The following APCDD1L variants were observed in gnomAD, a reference collection of about 807,000 sequenced individuals.
APCDD1L encodes APC down-regulated 1 like, also known as protein APCDD1-like.
APCDD1L carries 21 observed loss-of-function variants against 24.2 expected under a neutral mutation model. That is an observed-to-expected ratio of 0.87 (90% CI 0.61 to 1.25). The LOEUF (loss-of-function observed/expected upper bound fraction) is 1.25, where lower values mean the gene tolerates loss of function less well. APCDD1L is among the 50% of genes most tolerant of loss of function. APCDD1L has a pLI of 0.00. For synonymous variants in APCDD1L, 321 were observed against 323.6 expected, an observed-to-expected ratio of 0.99 and a Z score of 0.09; for missense variants, 704 against 711.7, an observed-to-expected ratio of 0.99 and a Z score of 0.12.
rs368282345 is a variant in APCDD1L at position 58,461,394 on chromosome 20, A to T, written c.902T>A (p.Leu301His). 15 of 1,554,920 alleles carry T rather than the reference A, an allele frequency of 9.6e-6. No homozygotes were observed. In the African/African-American group the frequency reaches 1.4e-4, roughly 14 times the overall value. ...GCGGCTGTGCCCGTGGAAAGTGAAGAGCCGGGTGAGGAACAGGACTGCTGG... is the reference window on the plus strand; with the variant it reads ...GCGGCTGTGCCCGTGGAAAGTGAAGTGCCGGGTGAGGAACAGGACTGCTGG... The part of the protein sequence containing the change: ...VRPAVLFLTR[L>H]FTFHGHSRSW... Residue 301 changes from leucine (L) to histidine (H), a missense_variant, in exon 4 of 4, where the codon CTC becomes CAC. By Grantham distance (99) the Leu-to-His change is moderately conservative (BLOSUM62 -3). Coordinates refer to ENST00000371149, the MANE Select transcript of APCDD1L (RefSeq NM_153360.3). This position sits in a 1 kb window ranked among gnomAD's most constrained non-coding sequence, Gnocchi z 6.0.
Position 58,514,919 on chromosome 20 carries a change from C to A in APCDD1L, c.-212G>T. ...AAGCGGAGCTGCGCACTCATAGGTC[C>A]AACTTGCCAGAAGAGGTGGAGACAG... On this transcript the variant is annotated 5_prime_UTR_variant, in exon 1 of 4. Coordinates refer to ENST00000371149, the MANE Select transcript of APCDD1L (RefSeq NM_153360.3). 2.6e-6 allele frequency: 1 copy of A among 379,626 alleles called. No homozygotes were observed. Among genetic ancestry groups the A allele is most frequent in the Non-Finnish European group, 4.6e-6 (1 of 215,998 alleles). 23.5% of individuals were successfully genotyped at this position (379,626 alleles called of 1,614,324 possible).
At chr20:58,503,641 G>A (rs1216403459) in intron 1 of APCDD1L, among the ~76,000 whole-genome samples, 3 of 152,198 alleles carry the variant, frequency 2.0e-5, no homozygotes. Flanking sequence ...GCTTGGGGAA[G>A]GCAGCTCAGA....
intron 1 of APCDD1L, among the ~76,000 whole-genome samples, chr20:58,512,128 G>A (rs116260661): frequency 2.6e-5 from 4 of 152,196 alleles, no homozygotes; most frequent in South Asian, 2.1e-4. Context: ...TCCTGCGGCC[G>A]CCATGCGGAC....
In APCDD1L at chr20:58,497,864, C is replaced by T. The variant is rs1990353871; in HGVS notation, c.49+16795G>A. Among the ~76,000 whole-genome samples, 1 of 152,162 alleles carries T rather than the reference C, an allele frequency of 6.6e-6. No homozygotes were observed. The highest frequency in any genetic ancestry group is 6.5e-5 in the Admixed American group (1 of 15,278). The stretch of plus-strand genomic sequence containing the variant: ...TAGATTCTCATATTAAAAGCTAAGT[C>T]TCATGCAGAGAAGCAGAATTCCCTG... On this transcript the variant is annotated intron_variant, in intron 1 of 3. Transcript: ENST00000371149. The surrounding 1 kb of genome is among the most constrained non-coding windows in gnomAD (Gnocchi z 4.3).
At chr20:58,514,085 A>G in intron 1 of APCDD1L, 1 of 627,888 alleles carries the variant, frequency 1.6e-6, no homozygotes, top group South Asian at 1.9e-5. Context: ...TTAGTCCTGG[A>G]GAAGGCATTG....
At chr20:58,509,447 G>A (rs140749270) in intron 1 of APCDD1L, among the ~76,000 whole-genome samples, 9 of 152,160 alleles carry the variant, frequency 5.9e-5, no homozygotes, top group Non-Finnish European at 1.3e-4. Context: ...CCTTGGGCAA[G>A]TCACCTACTT....
chr20:58,490,780 C>T (rs904196819), intron 1 of APCDD1L, among the ~76,000 whole-genome samples: 2 of 152,184 alleles, frequency 1.3e-5, no homozygotes, highest in Non-Finnish European at 2.9e-5. Context: ...AGCACTCTTG[C>T]AAGACAGAGA....
intron 1 of APCDD1L, among the ~76,000 whole-genome samples, chr20:58,512,653 G>A (rs1051729156): frequency 6.6e-6 from 1 of 152,176 alleles, no homozygotes; most frequent in Non-Finnish European, 1.5e-5. Flanking sequence ...ATGAAGTTCA[G>A]GCGTGCCCAG....
At chr20:58,477,109 T>G (rs758400486) in intron 1 of APCDD1L, among the ~76,000 whole-genome samples, 20 of 152,264 alleles carry the variant, frequency 1.3e-4, no homozygotes, top group Non-Finnish European at 1.2e-4. Context: ...AGAGTTCTAG[T>G]GTATGCTTTG....
Position 58,476,175 on chromosome 20 carries a change from CACAA to C in APCDD1L, c.50-5432_50-5429del, listed in dbSNP as rs1416303876. The stretch of plus-strand genomic sequence containing the variant: ...TCATTCATTCATTTCTTCTCCCCAA[CACAA>C]ACACTTATTTTTATTTATTTATTTA... On this transcript the variant is annotated intron_variant, in intron 1 of 3. Coordinates refer to ENST00000371149, the MANE Select transcript of APCDD1L (RefSeq NM_153360.3). 1.1e-4 allele frequency among the ~76,000 whole-genome samples: 17 copies of C among 152,258 alleles called. No homozygotes were observed. In the East Asian group the frequency reaches 2.9e-3, roughly 26 times the overall value.
chr20:58,499,707 T>A (rs1448621719), intron 1 of APCDD1L, among the ~76,000 whole-genome samples: 1 of 152,184 alleles, frequency 6.6e-6, no homozygotes, highest in African/African-American at 2.4e-5. Flanking sequence ...CTTCACACCC[T>A]GCTTCCACCC....
intron 1 of APCDD1L, among the ~76,000 whole-genome samples, chr20:58,503,910 G>A (rs576473089): frequency 6.6e-6 from 1 of 152,320 alleles, no homozygotes; most frequent in African/African-American, 2.4e-5. Flanking sequence ...AGGACACTCC[G>A]TGGGCAGAAT....
intron 2 of APCDD1L, among the ~76,000 whole-genome samples, chr20:58,468,148 C>T (rs1456223635): frequency 6.6e-6 from 1 of 152,072 alleles, no homozygotes; most frequent in Non-Finnish European, 1.5e-5. Flanking sequence ...AACCAGGAGT[C>T]GGCAAACTTT....
In APCDD1L at chr20:58,460,853, A is replaced by G; in HGVS notation, c.1443T>C (p.Leu481=). Residue 481 remains leucine (L), a synonymous_variant, in exon 4 of 4, where the codon CTT becomes CTC. Coordinates refer to ENST00000371149, the MANE Select transcript of APCDD1L (RefSeq NM_153360.3). The surrounding 1 kb of genome is among the most constrained non-coding windows in gnomAD (Gnocchi z 4.2). ...SLQKHPSTGG[L]HIAPFPLLPL... is the part of the protein sequence containing the mutation. ...GCAGAAGTGGGAAGGGGGCTATGTGAAGACCCCCTGTGCTGGGGTGCTTCT... is the reference window on the plus strand; with the variant it reads ...GCAGAAGTGGGAAGGGGGCTATGTGGAGACCCCCTGTGCTGGGGTGCTTCT... 1 of 1,562,182 alleles carries G rather than the reference A, an allele frequency of 6.4e-7. No homozygotes were observed. Among genetic ancestry groups the G allele is most frequent in the Non-Finnish European group, 8.7e-7 (1 of 1,152,200 alleles).
chr20:58,495,081 T>C (rs962295452), intron 1 of APCDD1L, among the ~76,000 whole-genome samples: 1 of 152,124 alleles, frequency 6.6e-6, no homozygotes, highest in African/African-American at 2.4e-5. Context: ...CTGGTGCAGA[T>C]TGGACGCTTA....
rs1041529601 is a variant in APCDD1L, at chr20:58,467,007, T to G, written c.741+99A>C. 1 of 1,432,628 alleles carries G rather than the reference T, an allele frequency of 7.0e-7. No homozygotes were observed. Among genetic ancestry groups the G allele is most frequent in the Non-Finnish European group, 9.2e-7 (1 of 1,087,168 alleles). 88.7% of individuals were successfully genotyped at this position (1,432,628 alleles called of 1,614,324 possible). ...GATGACAGCCGGGCAGCCAGAGCCCTGGGCAGGCCCAGGTCTTGCAAAGCT... is the reference window on the plus strand; with the variant it reads ...GATGACAGCCGGGCAGCCAGAGCCCGGGGCAGGCCCAGGTCTTGCAAAGCT... On this transcript the variant is annotated intron_variant, in intron 3 of 3. Coordinates refer to ENST00000371149, the MANE Select transcript of APCDD1L (RefSeq NM_153360.3). The surrounding 1 kb of genome is among the most constrained non-coding windows in gnomAD (Gnocchi z 5.9).
intron 2 of APCDD1L, among the ~76,000 whole-genome samples, chr20:58,469,403 T>C (rs1423619643): frequency 2.0e-5 from 3 of 152,188 alleles, no homozygotes; most frequent in African/African-American, 4.8e-5. Context: ...ACTGGACCTC[T>C]TGATGGTTCC....
chr20:58,502,736 A>AG (rs1212769749), intron 1 of APCDD1L, among the ~76,000 whole-genome samples: 2 of 152,164 alleles, frequency 1.3e-5, no homozygotes, highest in Admixed American at 6.5e-5. Context: ...CAAAAAAAAA[A>AG]AAAAGAAAAG....
intron 1 of APCDD1L, among the ~76,000 whole-genome samples, chr20:58,512,452 A>G (rs1243581505): frequency 6.6e-6 from 1 of 152,196 alleles, no homozygotes; most frequent in Non-Finnish European, 1.5e-5. Flanking sequence ...ATCTGTAGGA[A>G]GAGGGCAGGG....
Sources: gnomAD v4.1 joint callset for allele counts (sites outside exome capture counted in the v4.1 genomes callset) on GRCh38, gnomAD v4.1.1 for gene constraint, Gnocchi (gnomAD v3.1) non-coding constraint, MANE v1.5 for transcripts, NCBI Gene and HGNC (gene_info 2026-07-23, HGNC 2026-07-21) for gene names.